Variants in RGPD4 observed in about 807,000 individuals in gnomAD.
The protein encoded by RGPD4 is ranBP2-like and GRIP domain-containing protein 4.
A neutral mutation model predicts 141.1 loss-of-function variants in RGPD4; 84 were observed. The observed-to-expected ratio is 0.60, with a 90% CI of 0.50 to 0.71. The LOEUF is 0.71. Among genes scored for constraint, RGPD4 ranks in the 30% least tolerant of loss-of-function variants. The pLI is 0.00. For missense variants in RGPD4, 918 were observed against 1,622.4 expected (o/e 0.57, Z 7.46); for synonymous variants, 298 against 566.8 (o/e 0.53, Z 6.74).
At chr2:107,887,498 G>C (rs960706579) in intron 22 of RGPD4, among the ~76,000 whole-genome samples, 7 of 151,424 alleles carry the variant, frequency 4.6e-5, no homozygotes, top group Non-Finnish European at 8.8e-5. Flanking sequence ...GGAAACATTA[G>C]CTTAGGGGGT....
chr2:107,872,118 G>C lies in RGPD4; in HGVS notation c.4114G>C (p.Gly1372Arg), dbSNP rs775032792. The change falls in exon 20 of 23, where the codon GGT becomes CGT. Residue 1372 changes from glycine to arginine, a missense_variant. Transcript: ENST00000408999. ...AELYRYDKDV[G>R]QWKERGIGDI... ...ACTCTACAGATATGATAAAGATGTT[G>C]GTCAATGGAAAGAAAGGGGCATTGG... 2 of 1,611,452 alleles carry C rather than the reference G, an allele frequency of 1.2e-6. No individual in the cohort carries two copies. The highest frequency in any genetic ancestry group is 1.7e-6 in the Non-Finnish European group (2 of 1,179,840).
intron 9 of RGPD4, among the ~76,000 whole-genome samples, chr2:107,857,688 G>A (rs991709501): frequency 6.6e-6 from 1 of 151,822 alleles, no homozygotes; most frequent in Middle Eastern, 3.4e-3. Context: ...TCCTGCCTAA[G>A]CCCCCCAAAG....
chr2:107,836,569 A>G (rs1224478284), intron 1 of RGPD4, 33 bp from the exon 2 acceptor site: 3 of 1,521,300 alleles, frequency 2.0e-6, no homozygotes, highest in East Asian at 2.3e-5. Flanking sequence ...ATATTTCTGT[A>G]TGAAATGTAA....
Position 107,872,228 on chromosome 2 carries a change from T to C in RGPD4, c.4224T>C (p.Asn1408=), listed in dbSNP as rs1360975738. ...ACCAAGTATTAAAACTTTGTGCCAA[T>C]CACACAATAACTCCAGACATGAGTT... is the stretch of plus-strand genomic sequence containing the variant. ...RRDQVLKLCA[N]HTITPDMSLQ... Residue 1408 remains asparagine, a synonymous_variant, in exon 20 of 23, where the codon AAT becomes AAC. Transcript: ENST00000408999. 6.2e-7 allele frequency: 1 copy of C among 1,611,516 alleles called. No homozygotes were observed. Among genetic ancestry groups the C allele is most frequent in the South Asian group, 1.1e-5 (1 of 90,960 alleles).
chr2:107,829,520 G>A (rs1297259084), intron 1 of RGPD4, among the ~76,000 whole-genome samples: 1 of 136,056 alleles, frequency 7.3e-6, no homozygotes, highest in African/African-American at 2.9e-5. Flanking sequence ...TCCCTGGCGC[G>A]CTCTGTTGAG....
At chr2:107,845,859 CA>C (rs752145059) in intron 6 of RGPD4, among the ~76,000 whole-genome samples, 10 of 151,610 alleles carry the variant, frequency 6.6e-5, no homozygotes, top group Non-Finnish European at 1.5e-4. Context: ...CCACCGCGCC[CA>C]GCCCACACCT....
At chr2:107,887,193 C>G (rs941232586) in intron 22 of RGPD4, among the ~76,000 whole-genome samples, 3 of 151,934 alleles carry the variant, frequency 2.0e-5, no homozygotes, top group Non-Finnish European at 4.4e-5. Context: ...AGTCGAACTT[C>G]TGGTCGAAAT....
intron 22 of RGPD4, among the ~76,000 whole-genome samples, chr2:107,884,092 C>T (rs1675441780): frequency 1.3e-5 from 2 of 151,240 alleles, no homozygotes; most frequent in Non-Finnish European, 2.9e-5. Flanking sequence ...GTTGATGTTC[C>T]TTAAGCTTTA....
chr2:107,877,048 A>G (rs1683110388), intron 20 of RGPD4, among the ~76,000 whole-genome samples: 2 of 151,826 alleles, frequency 1.3e-5, no homozygotes, highest in South Asian at 4.1e-4. Flanking sequence ...TTGGGAGTCA[A>G]TAAACCAATA....
intron 1 of RGPD4, among the ~76,000 whole-genome samples, chr2:107,828,685 G>A (rs1463597943): frequency 2.6e-5 from 1 of 38,242 alleles, no homozygotes; most frequent in African/African-American, 1.4e-4. Flanking sequence ...TCCCTGGCGC[G>A]CTCTGTTGAG....
Position 107,882,932 on chromosome 2 carries a change from G to A in RGPD4, c.5266+59G>A. The A allele has an allele frequency of 4.9e-6, 5 of 1,012,200 alleles. No homozygotes were observed. The South Asian group carries it at 7.0e-5, about 14-fold the overall frequency. The allele number at this position is 1,012,200 out of a possible 1,614,324, so 62.7% of individuals were successfully genotyped here. On this transcript the variant is annotated intron_variant, in intron 22 of 22. Transcript: ENST00000408999. ...TCTAACTTAAACTAAACAGCCTGGT[G>A]GTTGAGAAGTTGTCTGTATGTGTAA...
rs561189923 is a variant in RGPD4 at position 107,880,129 on chromosome 2, A to T, written c.5064+22A>T. The T allele has an allele frequency of 1.3e-5, 21 of 1,611,338 alleles. No individual in the cohort carries two copies. In the Admixed American group the frequency reaches 2.8e-4, roughly 22 times the overall value. ...TAAGGTGAGATCAGAAAACCTGGCCACCATGAAAACTGCCAATTTGGTTTT... is the reference window on the plus strand; with the variant it reads ...TAAGGTGAGATCAGAAAACCTGGCCTCCATGAAAACTGCCAATTTGGTTTT... On this transcript the variant is annotated intron_variant, in intron 21 of 22. Coordinates refer to ENST00000408999, the MANE Select transcript of RGPD4 (RefSeq NM_182588.3).
Position 107,878,246 on chromosome 2 carries a change from A to G in RGPD4, c.4925-1722A>G, listed in dbSNP as rs1461539142. ...TGTACCTCTGTAAGGCCGAATCAAT[A>G]GATTTTGAACAATCTCACACTTAAC... On this transcript the variant is annotated intron_variant, in intron 20 of 22. Transcript: ENST00000408999. 2.0e-5 allele frequency among the ~76,000 whole-genome samples: 3 copies of G among 151,726 alleles called. 1 individual carries two copies. The highest frequency in any genetic ancestry group is 4.9e-5 in the African/African-American group (2 of 41,174).
intron 22 of RGPD4, among the ~76,000 whole-genome samples, chr2:107,889,289 G>A (rs1458453375): frequency 9.3e-6 from 1 of 107,620 alleles, no homozygotes; most frequent in Admixed American, 9.4e-5. Context: ...TGTGGTATAT[G>A]AATTATATCT....
chr2:107,857,500 G>A (rs1463019210), intron 9 of RGPD4, among the ~76,000 whole-genome samples: 5 of 150,368 alleles, frequency 3.3e-5, no homozygotes, highest in African/African-American at 1.2e-4. Flanking sequence ...TGGCGTGATC[G>A]TAGGTCACTG....
At position 107,859,559 on chromosome 2, in the gene RGPD4, G is replaced by C. The variant is rs771446495; in HGVS notation, c.1634+5G>C. On this transcript the variant is annotated splice_donor_5th_base_variant and intron_variant, in intron 11 of 22. Coordinates refer to ENST00000408999, the MANE Select transcript of RGPD4 (RefSeq NM_182588.3). ...TCTGATTCACAGAAAAGCAGTGTAA[G>C]TAGTAAAACAAAAATATTGCTTTCA... 7 of 1,611,540 alleles carry C rather than the reference G, an allele frequency of 4.3e-6. No homozygotes were observed. The South Asian group carries it at 7.7e-5, about 18-fold the overall frequency.
At chr2:107,882,230 C>CT (rs1675386874) in intron 21 of RGPD4, among the ~76,000 whole-genome samples, 3 of 151,746 alleles carry the variant, frequency 2.0e-5, no homozygotes, top group Admixed American at 1.3e-4. Flanking sequence ...AGCTGCTGGA[C>CT]TGACTCATTT....
intron 22 of RGPD4, among the ~76,000 whole-genome samples, chr2:107,889,047 A>G (rs700861): frequency 0.78 from 113,531 of 145,950 alleles, 45,094 homozygotes; most frequent in African/African-American, 0.89. Flanking sequence ...AAATAAAATG[A>G]CTTTAACTCT....
intron 7 of RGPD4, among the ~76,000 whole-genome samples, chr2:107,854,054 CT>C (rs1052579812): frequency 0.011 from 1,349 of 125,896 alleles, 13 homozygotes; most frequent in African/African-American, 0.03. Context: ...TGGCCCCTCT[CT>C]TTTTTTTTTT....
Sources: allele counts gnomAD v4.1 joint callset (sites outside exome capture counted in the v4.1 genomes callset), GRCh38; gene constraint gnomAD v4.1.1; transcripts MANE v1.5; gene names NCBI Gene and HGNC (gene_info 2026-07-23, HGNC 2026-07-21).